Variants in EIF2AK4 observed in about 807,000 individuals in gnomAD.
EIF2AK4 encodes the protein eIF-2-alpha kinase GCN2.
A neutral mutation model predicts 211.1 loss-of-function variants in EIF2AK4; 139 were observed. The observed-to-expected ratio is 0.66, with a 90% CI of 0.57 to 0.76. The LOEUF is 0.76. Ranked by LOEUF, EIF2AK4 falls within the 30% of genes least tolerant of loss-of-function variation. The probability of loss-of-function intolerance (pLI) is 0.00; values close to 1 mark genes in which losing one functional copy is unlikely to be tolerated. For missense variants in EIF2AK4, 1,664 were observed against 2,043.8 expected (o/e 0.81, Z 3.58); for synonymous variants, 710 against 751.3 (o/e 0.94, Z 0.90).
intron 3 of EIF2AK4, among the ~76,000 whole-genome samples, chr15:39,946,276 C>T (rs1207275828): frequency 1.3e-5 from 2 of 152,208 alleles, no homozygotes; most frequent in Admixed American, 6.5e-5. Flanking sequence ...GGGGTCAAAA[C>T]ATCAACATGA....
chr15:39,961,743 A>G (rs1459610606), intron 6 of EIF2AK4, 41 bp from the exon 7 acceptor site: 1 of 1,502,210 alleles, frequency 6.7e-7, no homozygotes. Flanking sequence ...AAAAAAATGA[A>G]AAATGATTGT....
At chr15:40,025,572 C>T (rs1334269108) in intron 32 of EIF2AK4, among the ~76,000 whole-genome samples, 2 of 151,962 alleles carry the variant, frequency 1.3e-5, no homozygotes, top group Non-Finnish European at 2.9e-5. Flanking sequence ...ATCTGAGAAA[C>T]CTTGGTGGCT....
chr15:40,005,867 G>A (rs12899936), intron 23 of EIF2AK4, among the ~76,000 whole-genome samples: 25,375 of 151,868 alleles, frequency 0.17, 2,646 homozygotes, highest in Non-Finnish European at 0.24. Context: ...CACCGCACCC[G>A]GCCTGCATAC....
chr15:40,018,515 T>C (rs1249264574), intron 29 of EIF2AK4, among the ~76,000 whole-genome samples: 3 of 152,132 alleles, frequency 2.0e-5, no homozygotes, highest in Non-Finnish European at 4.4e-5. Context: ...CTTGAGGTTA[T>C]GGGACATTTT....
chr15:39,936,815 C>G (rs2034071035), intron 1 of EIF2AK4, among the ~76,000 whole-genome samples: 1 of 152,160 alleles, frequency 6.6e-6, no homozygotes, highest in South Asian at 2.1e-4. Context: ...TCCTCAGTGT[C>G]TGGGGCAGCA....
At chr15:39,965,088 A>G (rs2034524530) in intron 7 of EIF2AK4, among the ~76,000 whole-genome samples, 1 of 152,202 alleles carries the variant, frequency 6.6e-6, no homozygotes, top group South Asian at 2.1e-4. Flanking sequence ...TATGAAAATA[A>G]CATTGTGCAT....
chr15:40,025,844 T>C, intron 32 of EIF2AK4, 133 bp from the exon 33 acceptor site: 2 of 779,618 alleles, frequency 2.6e-6, no homozygotes, highest in Non-Finnish European at 4.1e-6. Flanking sequence ...AAATGTCCCC[T>C]GGGGAGCAAA....
intron 30 of EIF2AK4, chr15:40,020,675 T>C (rs1469299938): frequency 7.7e-6 from 2 of 258,994 alleles, no homozygotes; most frequent in Non-Finnish European, 1.5e-5. Context: ...GGTGACAGAG[T>C]GAGACTCTGT....
chr15:40,030,213 T>C (rs559235434), intron 34 of EIF2AK4, 146 bp from the exon 35 acceptor site: 25 of 749,998 alleles, frequency 3.3e-5, no homozygotes, highest in Admixed American at 7.8e-5. Flanking sequence ...CAGATGGTTG[T>C]AGGGATAGAA....
rs1324967705 is a variant in EIF2AK4, at chr15:40,020,974, C to G, written c.4249C>G (p.Gln1417Glu). The change falls in exon 31 of 39, where the codon CAG becomes GAG. Residue 1417 changes from glutamine to glutamate, a missense_variant. This residue lies in a region of EIF2AK4 where 622 missense variants were observed against 796.8 expected (regional missense o/e 0.78). Coordinates refer to ENST00000263791, the MANE Select transcript of EIF2AK4 (RefSeq NM_001013703.4). ...TATGTCCAGGGCCATCAACCTAACC[C>G]AGAAACTCTGGACAGCAGGCATCAC... ...MSMSRAINLTQKLWTAGITAE... is the reference protein window; with the variant it reads ...MSMSRAINLTEKLWTAGITAE... The G allele has an allele frequency of 6.2e-7, 1 of 1,613,700 alleles. No individual in the cohort carries two copies. The highest frequency in any genetic ancestry group is 2.2e-5 in the East Asian group (1 of 44,870).
chr15:40,012,279 G>A (rs1689660810), intron 27 of EIF2AK4, among the ~76,000 whole-genome samples: 1 of 152,106 alleles, frequency 6.6e-6, no homozygotes. Context: ...GCATGTATCT[G>A]CCCTCAACTC....
chr15:40,020,848 C>A (rs1449426970), intron 30 of EIF2AK4, 51 bp from the exon 31 acceptor site: 3 of 1,502,686 alleles, frequency 2.0e-6, no homozygotes, highest in Middle Eastern at 2.4e-4. Context: ...GTTTCACTTC[C>A]ATGCCTGCAG....
chr15:39,946,559 GGAT>G (rs1364604230), intron 3 of EIF2AK4: 1 of 702,252 alleles, frequency 1.4e-6, no homozygotes, highest in Admixed American at 2.0e-5. Flanking sequence ...CGAGCATTTA[GGAT>G]ATTTCATAAA....
At chr15:40,027,581 T>C (rs1355343653) in intron 33 of EIF2AK4, among the ~76,000 whole-genome samples, 1 of 152,154 alleles carries the variant, frequency 6.6e-6, no homozygotes, top group African/African-American at 2.4e-5. Flanking sequence ...TGTCCATAAA[T>C]AGGATGTTTA....
chr15:40,001,005 G>C lies in EIF2AK4; in HGVS notation c.2940G>C (p.Trp980Cys). The C allele has an allele frequency of 6.2e-7, 1 of 1,614,162 alleles. No homozygotes were observed. The highest frequency in any genetic ancestry group is 8.5e-7 in the Non-Finnish European group (1 of 1,180,032). Residue 980 changes from tryptophan (W) to cysteine (C), a missense_variant, in exon 21 of 39, where the codon TGG becomes TGC. Trp to Cys is a radical substitution (Grantham distance 215, BLOSUM62 -2). Coordinates refer to ENST00000263791, the MANE Select transcript of EIF2AK4 (RefSeq NM_001013703.4). ...TATTGTAGAAATCAGTCATCTCCTGGCTGTTGAACCACGATCCAGCAAAAC... is the reference window on the plus strand; with the variant it reads ...TATTGTAGAAATCAGTCATCTCCTGCCTGTTGAACCACGATCCAGCAAAAC... ...EHAKQKSVIS[W>C]LLNHDPAKRP... is the part of the protein sequence containing the mutation.
At position 39,977,950 on chromosome 15, in the gene EIF2AK4, C is replaced by T. The variant is rs116985790; in HGVS notation, c.2250-128C>T. The T allele has an allele frequency of 2.5e-3, 1,398 of 569,896 alleles. 13 individuals are homozygous for T. The highest frequency in any genetic ancestry group is 0.019 in the East Asian group (718 of 37,448). 35.3% of individuals were successfully genotyped at this position (569,896 alleles called of 1,614,324 possible). ...ACAAATCAGCACAGTGTAGAGTATACATTGATGCCTGTGGGCTCATGGTGT... is the reference window on the plus strand; with the variant it reads ...ACAAATCAGCACAGTGTAGAGTATATATTGATGCCTGTGGGCTCATGGTGT... On this transcript the variant is annotated intron_variant, in intron 12 of 38. Transcript: ENST00000263791.
chr15:39,997,786 C>T (rs78723467), intron 19 of EIF2AK4, among the ~76,000 whole-genome samples: 137 of 152,214 alleles, frequency 9.0e-4, no homozygotes, highest in African/African-American at 3.1e-3. Context: ...GTTACATGTG[C>T]GAGGTCAGAG....
chr15:39,951,224 T>C (rs1166456748), intron 4 of EIF2AK4, among the ~76,000 whole-genome samples: 1 of 152,218 alleles, frequency 6.6e-6, no homozygotes, highest in African/African-American at 2.4e-5. Context: ...ACTTTCGCTG[T>C]TGTTGCCCCA....
At chr15:40,030,625 C>T (rs2035528882) in intron 35 of EIF2AK4, among the ~76,000 whole-genome samples, 169 bp downstream of exon 35, 1 of 152,134 alleles carries the variant, frequency 6.6e-6, no homozygotes, top group Non-Finnish European at 1.5e-5. Flanking sequence ...TCCAGGATTC[C>T]CATCTGTCCT....
Sources: gnomAD v4.1 joint callset for allele counts (sites outside exome capture counted in the v4.1 genomes callset) on GRCh38, gnomAD v4.1.1 for gene constraint, gnomAD v4.1.1 regional missense constraint, MANE v1.5 for transcripts, NCBI Gene and HGNC (gene_info 2026-07-23, HGNC 2026-07-21) for gene names.